The following AFG1L variants were observed in gnomAD, a reference collection of about 807,000 sequenced individuals.
AFG1L encodes AFG1-like ATPase.
Under a neutral mutation model 62.2 loss-of-function variants are expected in AFG1L, and 53 were observed. The observed-to-expected ratio is 0.85, with a 90% CI of 0.68 to 1.07. The LOEUF is 1.07. AFG1L is among the 50% of genes least tolerant of loss of function. The pLI, the probability that AFG1L is intolerant of heterozygous loss-of-function variation, is 0.00. For missense variants in AFG1L, 555 were observed against 590.5 expected (o/e 0.94, Z 0.62); for synonymous variants, 228 against 210.3 (o/e 1.08, Z -0.73).
chr6:108,462,588 A>G (rs1772505194), intron 8 of AFG1L, among the ~76,000 whole-genome samples: 1 of 152,234 alleles, frequency 6.6e-6, no homozygotes, highest in Admixed American at 6.5e-5. Flanking sequence ...TCCATCTAAT[A>G]TAGACTTCAG....
At chr6:108,383,801 T>C (rs1193365340) in intron 6 of AFG1L, among the ~76,000 whole-genome samples, 1 of 152,018 alleles carries the variant, frequency 6.6e-6, no homozygotes, top group African/African-American at 2.4e-5. Flanking sequence ...AAATCTTTTC[T>C]ACAAAAGTAG....
At chr6:108,454,735 C>T (rs1471714895) in intron 8 of AFG1L, among the ~76,000 whole-genome samples, 1 of 152,140 alleles carries the variant, frequency 6.6e-6, no homozygotes, top group Non-Finnish European at 1.5e-5. Context: ...TCACTGCAAC[C>T]TCCGCCTCCC....
At chr6:108,368,700 C>T (rs1391587626) in intron 6 of AFG1L, among the ~76,000 whole-genome samples, 2 of 152,074 alleles carry the variant, frequency 1.3e-5, no homozygotes, top group East Asian at 1.9e-4. Flanking sequence ...AAGCTATGCT[C>T]GTAAATAGCA....
chr6:108,501,712 C>G (rs1401069148), intron 10 of AFG1L, among the ~76,000 whole-genome samples: 1 of 152,110 alleles, frequency 6.6e-6, no homozygotes, highest in Non-Finnish European at 1.5e-5. Flanking sequence ...CTGTCTCTCT[C>G]ACTCCCTGGT....
intron 6 of AFG1L, among the ~76,000 whole-genome samples, chr6:108,393,385 C>G (rs1329460445): frequency 1.3e-5 from 2 of 151,976 alleles, no homozygotes; most frequent in Admixed American, 1.3e-4. Flanking sequence ...CTATAAAAAC[C>G]TAAAGGTTCT....
At chr6:108,403,959 C>A (rs1336453111) in intron 7 of AFG1L, among the ~76,000 whole-genome samples, 2 of 151,858 alleles carry the variant, frequency 1.3e-5, no homozygotes, top group African/African-American at 4.8e-5. Flanking sequence ...GACTGAACTT[C>A]CCAGGAAACT....
chr6:108,348,625 T>C (rs1778959694), intron 3 of AFG1L, among the ~76,000 whole-genome samples: 1 of 152,252 alleles, frequency 6.6e-6, no homozygotes, highest in African/African-American at 2.4e-5. Flanking sequence ...CATTGGCTAA[T>C]TGGTACTTTT....
At chr6:108,454,798 G>A (rs540023268) in intron 8 of AFG1L, among the ~76,000 whole-genome samples, 51 of 152,180 alleles carry the variant, frequency 3.4e-4, no homozygotes, top group Non-Finnish European at 6.3e-4. Flanking sequence ...GATTACAGGC[G>A]CATGCCACCA....
intron 6 of AFG1L, among the ~76,000 whole-genome samples, chr6:108,382,113 G>T (rs887706302): frequency 2.0e-5 from 3 of 147,620 alleles, no homozygotes; most frequent in African/African-American, 7.6e-5. Flanking sequence ...CGATTTTCCT[G>T]CCTCAGCCTC....
At chr6:108,307,985 A>T (rs1163663203) in intron 1 of AFG1L, among the ~76,000 whole-genome samples, 1 of 152,154 alleles carries the variant, frequency 6.6e-6, no homozygotes, top group East Asian at 1.9e-4. Context: ...TGTGACATGC[A>T]CATTGTCTGT....
chr6:108,468,879 T>C (rs1184651825), intron 8 of AFG1L, among the ~76,000 whole-genome samples: 4 of 152,226 alleles, frequency 2.6e-5, no homozygotes, highest in South Asian at 2.1e-4. Flanking sequence ...TATGCCTTTG[T>C]TGTTCTTTTG....
intron 10 of AFG1L, among the ~76,000 whole-genome samples, chr6:108,485,524 G>T (rs975280192): frequency 6.7e-6 from 1 of 148,366 alleles, no homozygotes; most frequent in East Asian, 2.0e-4. Context: ...GAAAGTATGA[G>T]AAACTAATAT....
intron 7 of AFG1L, among the ~76,000 whole-genome samples, chr6:108,419,370 TTGA>T (rs1161513371): frequency 6.6e-6 from 1 of 152,186 alleles, no homozygotes; most frequent in East Asian, 1.9e-4. Context: ...AATTAAATGT[TTGA>T]TGATTAGATT....
intron 10 of AFG1L, among the ~76,000 whole-genome samples, chr6:108,477,563 G>T (rs965698675): frequency 2.0e-5 from 3 of 152,118 alleles, no homozygotes; most frequent in Non-Finnish European, 2.9e-5. Context: ...ATCAGTTTTG[G>T]GGCTGTTTTG....
chr6:108,433,140 A>G (rs1452888459), intron 7 of AFG1L, among the ~76,000 whole-genome samples: 1 of 152,184 alleles, frequency 6.6e-6, no homozygotes, highest in African/African-American at 2.4e-5. Flanking sequence ...AGAGAATAGA[A>G]CCAGGGCCCT....
intron 1 of AFG1L, among the ~76,000 whole-genome samples, chr6:108,323,496 G>C (rs1015311889): frequency 1.3e-5 from 2 of 151,946 alleles, no homozygotes; most frequent in Admixed American, 6.6e-5. Context: ...CAGGTAGCTG[G>C]GATTACAAGC....
intron 1 of AFG1L, among the ~76,000 whole-genome samples, chr6:108,307,239 C>T (rs1777233323): frequency 1.3e-5 from 2 of 151,924 alleles, no homozygotes; most frequent in African/African-American, 4.8e-5. Flanking sequence ...GTCTAGAACT[C>T]CTGACGTCGT....
At position 108,361,184 on chromosome 6, in the gene AFG1L, T is replaced by A. The variant is rs541279368; in HGVS notation, c.648+4364T>A. Among the ~76,000 whole-genome samples, 15 of 152,364 alleles carry A rather than the reference T, an allele frequency of 9.8e-5. No individual in the cohort carries two copies. In the South Asian group the frequency reaches 1.9e-3, roughly 19 times the overall value. The stretch of plus-strand genomic sequence containing the variant: ...CTGGCATATGCCTTTGTGGCTCTTC[T>A]CTGACCTATGTCCAGTTTATGCCTG... On this transcript the variant is annotated intron_variant, in intron 5 of 12. Coordinates refer to ENST00000368977, the MANE Select transcript of AFG1L (RefSeq NM_145315.5).
chr6:108,477,108 C>G, intron 9 of AFG1L, 84 bp from the exon 10 acceptor site: 2 of 1,022,402 alleles, frequency 2.0e-6, no homozygotes. Context: ...TATTATTCAT[C>G]AAGCTATGCA....
Sources: gnomAD v4.1 joint callset for allele counts (sites outside exome capture counted in the v4.1 genomes callset) on GRCh38, gnomAD v4.1.1 for gene constraint, MANE v1.5 for transcripts, NCBI Gene and HGNC (gene_info 2026-07-23, HGNC 2026-07-21) for gene names.